The following NRXN2 variants were observed in gnomAD, a reference collection of about 807,000 sequenced individuals.
NRXN2 encodes neurexin 2, also known as neurexin-2-beta.
In NRXN2, 29 loss-of-function variants were observed where a neutral mutation model predicts 128.8. The observed-to-expected ratio is 0.23, with a 90% confidence interval of 0.17 to 0.31. The LOEUF is 0.31. Among genes scored for constraint, NRXN2 ranks in the 10% least tolerant of loss-of-function variants. The pLI, the probability that NRXN2 is intolerant of heterozygous loss-of-function variation, is 1.00. For missense variants in NRXN2, 1,881 were observed against 2,452.6 expected (o/e 0.77, Z 4.92); for synonymous variants, 1,098 against 1,075.2 (o/e 1.02, Z -0.41).
rs2047019652 is a variant in NRXN2, at chr11:64,648,449, T to A, written c.3284-111A>T. On this transcript the variant is annotated intron_variant, in intron 16 of 22. Transcript: ENST00000265459. The surrounding 1 kb of genome is among the most constrained non-coding windows in gnomAD (Gnocchi z 4.1). ...GAGAGGTCCTACTCTGAGCTCTGCC[T>A]GGCTGAAAGGGCCAAGTACTGATGA... 6.5e-7 allele frequency: 1 copy of A among 1,549,512 alleles called. No homozygotes were observed. The highest frequency in any genetic ancestry group is 1.7e-5 in the Admixed American group (1 of 58,062).
Position 64,623,255 on chromosome 11 carries a change from G to C in NRXN2, c.3848-177C>G. The C allele has an allele frequency of 8.9e-7, 1 of 1,128,618 alleles. No homozygotes were observed. The highest frequency in any genetic ancestry group is 1.2e-6 in the Non-Finnish European group (1 of 818,610). The allele number at this position is 1,128,618 out of a possible 1,614,324, so 69.9% of individuals were successfully genotyped here. A position where few individuals can be genotyped will look rare whatever the true frequency, so the allele number is the denominator to read the frequency against. ...GCAGAAAGCCAAAGGGAAAGTCCTT[G>C]TCAGCCACAGCCCCTAGCCCAGCCA... On this transcript the variant is annotated intron_variant, in intron 20 of 22. Transcript: ENST00000265459. The surrounding 1 kb of genome is among the most constrained non-coding windows in gnomAD (Gnocchi z 4.9).
intron 2 of NRXN2, among the ~76,000 whole-genome samples, chr11:64,710,764 C>T (rs1249662937): frequency 6.6e-6 from 1 of 152,146 alleles, no homozygotes. Context: ...TGAGCAGACA[C>T]CCTCACACTT....
chr11:64,676,920 A>T, intron 7 of NRXN2, 73 bp downstream of exon 7: 1 of 1,288,292 alleles, frequency 7.8e-7, no homozygotes, highest in Admixed American at 1.8e-5. Flanking sequence ...GAGAGGAAAC[A>T]AAAGAGGGAG....
chr11:64,665,025 G>A (rs1445315453), intron 9 of NRXN2, among the ~76,000 whole-genome samples: 1 of 150,830 alleles, frequency 6.6e-6, no homozygotes, highest in Non-Finnish European at 1.5e-5. Flanking sequence ...GCTCACGCCT[G>A]TAATCCCAAC....
intron 3 of NRXN2, among the ~76,000 whole-genome samples, chr11:64,697,320 G>T (rs1331324605): frequency 6.6e-6 from 1 of 152,136 alleles, no homozygotes; most frequent in African/African-American, 2.4e-5. Context: ...CCTGCACAGT[G>T]GCACCAGATT....
intron 3 of NRXN2, 65 bp from the exon 4 acceptor site, chr11:64,692,941 G>A: frequency 7.2e-7 from 1 of 1,393,406 alleles, no homozygotes; most frequent in Non-Finnish European, 1.0e-6. Context: ...AAGAAAAGGG[G>A]AAAGAAACAA....
chr11:64,610,804 G>A (rs920974809), intron 22 of NRXN2, among the ~76,000 whole-genome samples: 1 of 152,164 alleles, frequency 6.6e-6, no homozygotes, highest in African/African-American at 2.4e-5. Flanking sequence ...CCTCTCGAGC[G>A]GTCGTAACCT....
chr11:64,652,041 C>G lies in NRXN2; in HGVS notation c.2530G>C (p.Val844Leu). Reference protein sequence around the residue: ...SLQLSVDNVTVEGQMAGAHMR... With the variant: ...SLQLSVDNVTLEGQMAGAHMR... The stretch of plus-strand genomic sequence containing the variant: ...CTGGGCCCAGACCACCTACCCTCCA[C>G]AGTCACGTTGTCCACAGACAGCTGC... The change falls in exon 13 of 23, where the codon GTG (valine) becomes CTG (leucine). Residue 844 changes from valine to leucine, a missense_variant. Coordinates refer to ENST00000265459, the MANE Select transcript of NRXN2 (RefSeq NM_015080.4). 1.9e-6 allele frequency: 3 copies of G among 1,612,224 alleles called. No homozygotes were observed. Among genetic ancestry groups the G allele is most frequent in the Non-Finnish European group, 1.7e-6 (2 of 1,179,974 alleles).
intron 2 of NRXN2, among the ~76,000 whole-genome samples, chr11:64,706,952 A>ATT (rs371730762): frequency 4.7e-4 from 64 of 135,164 alleles, no homozygotes; most frequent in African/African-American, 1.6e-3. Flanking sequence ...GTGTATCCCC[A>ATT]TTTTTTTTTT....
chr11:64,627,604 G>A (rs1408786480), intron 19 of NRXN2, among the ~76,000 whole-genome samples: 3 of 151,618 alleles, frequency 2.0e-5, no homozygotes, highest in Non-Finnish European at 2.9e-5. Flanking sequence ...TCCTCTCTGC[G>A]CTCACCAATC....
At chr11:64,656,429 CAGAAGGGCAGGGTG>C (rs2048301418) in intron 11 of NRXN2, among the ~76,000 whole-genome samples, 1 of 152,196 alleles carries the variant, frequency 6.6e-6, no homozygotes, top group African/African-American at 2.4e-5. Context: ...GTGGGAATTT[CAGAAGGGCAGGGTG>C]ACACTAAGAA....
At chr11:64,702,113 C>T (rs1373540299) in intron 2 of NRXN2, among the ~76,000 whole-genome samples, 1 of 140,462 alleles carries the variant, frequency 7.1e-6, no homozygotes, top group Admixed American at 6.9e-5. Context: ...GCCAGCCGCC[C>T]GTCCGGGAGG....
rs1276577168 is a variant in NRXN2 at position 64,607,699 on chromosome 11, C to T, written c.4636G>A (p.Ala1546Thr). Residue 1546 changes from alanine to threonine, a missense_variant, in exon 23 of 23, where the codon GCC (alanine) becomes ACC (threonine). Coordinates refer to ENST00000265459, the MANE Select transcript of NRXN2 (RefSeq NM_015080.4). ...PNLRTDGATGAPGVLFAPSAP... is the reference protein window; with the variant it reads ...PNLRTDGATGTPGVLFAPSAP... ...GAGGGGGCAAACAGCACCCCAGGGG[C>T]GCCCGTGGCCCCATCTGTCCTGAGG... is the stretch of plus-strand genomic sequence containing the variant. 42 of 1,541,918 alleles carry T rather than the reference C, an allele frequency of 2.7e-5. No individual in the cohort carries two copies. The highest frequency in any genetic ancestry group is 3.5e-5 in the Non-Finnish European group (40 of 1,141,004).
chr11:64,617,860 T>A (rs953618904), intron 22 of NRXN2, among the ~76,000 whole-genome samples: 8 of 152,160 alleles, frequency 5.3e-5, no homozygotes, highest in Non-Finnish European at 1.0e-4. Context: ...GTGGTGCAAA[T>A]GTGGACGTGT....
At chr11:64,653,258 C>A (rs1436607024) in intron 12 of NRXN2, among the ~76,000 whole-genome samples, 1 of 152,162 alleles carries the variant, frequency 6.6e-6, no homozygotes, top group African/African-American at 2.4e-5. Context: ...CTCTTTCCTG[C>A]ATCCCTCGCC....
chr11:64,697,905 C>A, intron 2 of NRXN2, 113 bp from the exon 3 acceptor site: 1 of 1,269,750 alleles, frequency 7.9e-7, no homozygotes, highest in Non-Finnish European at 1.1e-6. Flanking sequence ...TCCAAGCCCA[C>A]CCAGGCCCTG....
At chr11:64,690,100 CAAAG>C (rs377456714) in intron 5 of NRXN2, among the ~76,000 whole-genome samples, 143 of 152,294 alleles carry the variant, frequency 9.4e-4, no homozygotes, top group Middle Eastern at 6.8e-3. Flanking sequence ...GTTGCCTTAA[CAAAG>C]AAACAGATAC....
chr11:64,685,941 T>C lies in NRXN2; in HGVS notation c.857A>G (p.Glu286Gly), dbSNP rs1297731863. ...GDVHQPTKGK[E>G]EFVATFKGNE... Reference sequence around the variant, plus strand: ...GCCTTTGAAGGTCGCCACAAACTCCTCCTTGCCTGGATGCCGTGGTGTGGG... The same window carrying C: ...GCCTTTGAAGGTCGCCACAAACTCCCCCTTGCCTGGATGCCGTGGTGTGGG... Residue 286 changes from glutamate (E) to glycine (G), a missense_variant, in exon 6 of 23, where the codon GAG becomes GGG. Glu to Gly is a moderately conservative substitution (Grantham distance 98). This residue lies in a region of NRXN2 where 997 missense variants were observed against 1,240.8 expected (regional missense o/e 0.80). Coordinates refer to ENST00000265459, the MANE Select transcript of NRXN2 (RefSeq NM_015080.4). The C allele has an allele frequency of 1.9e-6, 3 of 1,614,138 alleles. No individual in the cohort carries two copies. The South Asian group carries it at 3.3e-5, about 18-fold the overall frequency.
chr11:64,615,462 C>T (rs1298068316), intron 22 of NRXN2, among the ~76,000 whole-genome samples: 1 of 152,230 alleles, frequency 6.6e-6, no homozygotes, highest in Non-Finnish European at 1.5e-5. Flanking sequence ...GTGTCTGTGA[C>T]TCTGTGGAGT....
Sources: allele counts gnomAD v4.1 joint callset (sites outside exome capture counted in the v4.1 genomes callset), GRCh38; gene constraint gnomAD v4.1.1; regional missense constraint gnomAD v4.1.1; non-coding constraint Gnocchi (gnomAD v3.1); transcripts MANE v1.5; gene names NCBI Gene and HGNC (gene_info 2026-07-23, HGNC 2026-07-21).